The following CCDC60 variants were observed in gnomAD, a reference collection of about 807,000 sequenced individuals.
The protein encoded by CCDC60 is coiled-coil domain containing 60.
Under a neutral mutation model 63.5 loss-of-function variants are expected in CCDC60, and 54 were observed. That is an observed-to-expected ratio of 0.85 (90% confidence interval 0.68 to 1.07). The LOEUF (loss-of-function observed/expected upper bound fraction) is 1.07. CCDC60 is among the 50% of genes least tolerant of loss of function. The pLI, the probability that CCDC60 is intolerant of heterozygous loss-of-function variation, is 0.00. For missense variants in CCDC60, 651 were observed against 684.3 expected, an observed-to-expected ratio of 0.95 and a Z score of 0.54; for synonymous variants, 206 against 238.8, an observed-to-expected ratio of 0.86 and a Z score of 1.27.
At chr12:119,338,745 A>G (rs1272326899) in intron 1 of CCDC60, among the ~76,000 whole-genome samples, 1 of 152,216 alleles carries the variant, frequency 6.6e-6, no homozygotes, top group Non-Finnish European at 1.5e-5. Context: ...ACAAAATGCC[A>G]GGCGGCCCGG....
intron 2 of CCDC60, among the ~76,000 whole-genome samples, chr12:119,471,483 G>C (rs1951057056): frequency 6.6e-6 from 1 of 152,198 alleles, no homozygotes. Flanking sequence ...GATCCTGCAG[G>C]CTGTGAATTG....
intron 1 of CCDC60, among the ~76,000 whole-genome samples, chr12:119,424,767 A>G (rs1178611496): frequency 6.6e-6 from 1 of 152,222 alleles, no homozygotes; most frequent in Non-Finnish European, 1.5e-5. Flanking sequence ...AAACAAAACT[A>G]TAATTATAAA....
chr12:119,374,938 C>T (rs1166376909), intron 1 of CCDC60, among the ~76,000 whole-genome samples: 1 of 152,292 alleles, frequency 6.6e-6, no homozygotes, highest in East Asian at 1.9e-4. Flanking sequence ...CTAGAGGTTA[C>T]TGTCATTGCC....
chr12:119,346,791 T>C (rs988907849), intron 1 of CCDC60, among the ~76,000 whole-genome samples: 6 of 104,170 alleles, frequency 5.8e-5, no homozygotes, highest in Non-Finnish European at 1.2e-4. Context: ...TTTCTTTCTT[T>C]CTTTCTTTCT....
chr12:119,375,133 A>C (rs1286953536), intron 1 of CCDC60, among the ~76,000 whole-genome samples: 1 of 152,162 alleles, frequency 6.6e-6, no homozygotes, highest in Non-Finnish European at 1.5e-5. Flanking sequence ...GTCCCTATTC[A>C]AAATAGAGTT....
rs553671988 is a variant in CCDC60 at position 119,345,532 on chromosome 12, G to A, written c.90+10266G>A. 1.2e-4 allele frequency among the ~76,000 whole-genome samples: 16 copies of A among 134,894 alleles called. No homozygotes were observed. The East Asian group carries it at 3.4e-3, about 28-fold the overall frequency. The allele number at this position is 134,894 out of a possible 152,430, so 88.5% of individuals were successfully genotyped here. A position where few individuals can be genotyped will look rare whatever the true frequency, so the allele number is the denominator to read the frequency against. ...TAAATAAATAAATAAATAAATAAGA[G>A]AGAGACAGCAAATGGGGCCTGCAGT... On this transcript the variant is annotated intron_variant, in intron 1 of 13. Coordinates refer to ENST00000327554, the MANE Select transcript of CCDC60 (RefSeq NM_178499.5).
intron 11 of CCDC60, among the ~76,000 whole-genome samples, chr12:119,524,658 G>C (rs1481015158): frequency 6.6e-6 from 1 of 151,306 alleles, no homozygotes; most frequent in Non-Finnish European, 1.5e-5. Context: ...TGCCCCACCT[G>C]GCCCAGGACA....
At chr12:119,508,524 G>A (rs1952118524) in intron 7 of CCDC60, among the ~76,000 whole-genome samples, 1 of 152,002 alleles carries the variant, frequency 6.6e-6, no homozygotes, top group African/African-American at 2.4e-5. Flanking sequence ...GTTGCATATA[G>A]TATGAGCTGG....
In CCDC60 at chr12:119,520,205, G is replaced by A; in HGVS notation, c.1040+13G>A. The A allele has an allele frequency of 6.2e-7, 1 of 1,612,512 alleles. No individual in the cohort carries two copies. The highest frequency in any genetic ancestry group is 8.5e-7 in the Non-Finnish European group (1 of 1,179,018). On this transcript the variant is annotated intron_variant, in intron 9 of 13. Transcript: ENST00000327554. The stretch of plus-strand genomic sequence containing the variant: ...CTCTCAAATCAAGGTAGGAAAGCCT[G>A]GAGCCTGCAGCAGGTGCCTCCGAAG...
chr12:119,378,420 C>A (rs918052624), intron 1 of CCDC60, among the ~76,000 whole-genome samples: 2 of 152,164 alleles, frequency 1.3e-5, no homozygotes, highest in African/African-American at 4.8e-5. Flanking sequence ...AAAAGGGAAA[C>A]CTTACCAAGG....
chr12:119,428,962 C>T (rs1160727345), intron 2 of CCDC60, 200 bp downstream of exon 2: 21 of 387,820 alleles, frequency 5.4e-5, no homozygotes, highest in Non-Finnish European at 2.2e-5. Context: ...AGTACCCATG[C>T]CATGCCAGCC....
intron 2 of CCDC60, among the ~76,000 whole-genome samples, chr12:119,458,604 G>A (rs1341611970): frequency 6.6e-6 from 1 of 152,128 alleles, no homozygotes; most frequent in African/African-American, 2.4e-5. Context: ...GGGCTGGGAA[G>A]GTCTGTTTTG....
At chr12:119,516,521 A>G in intron 7 of CCDC60, 102 bp from the exon 8 acceptor site, 1 of 714,358 alleles carries the variant, frequency 1.4e-6, no homozygotes. Context: ...TCCAACCCTC[A>G]GGAGCAGAGG....
intron 2 of CCDC60, chr12:119,433,470 G>C: frequency 1.4e-6 from 1 of 702,362 alleles, no homozygotes; most frequent in Non-Finnish European, 2.6e-6. Flanking sequence ...ACGACAATGA[G>C]ATGTTCCATC....
intron 7 of CCDC60, among the ~76,000 whole-genome samples, chr12:119,505,966 T>C (rs886109350): frequency 6.7e-6 from 1 of 148,190 alleles, no homozygotes; most frequent in Non-Finnish European, 1.5e-5. Context: ...TTTTATACTG[T>C]CTTTGAAATT....
At chr12:119,523,507 G>GA (rs767714017) in intron 10 of CCDC60, among the ~76,000 whole-genome samples, 186 bp from the exon 11 acceptor site, 1 of 152,224 alleles carries the variant, frequency 6.6e-6, no homozygotes, top group Non-Finnish European at 1.5e-5. Context: ...CTATTGGGAA[G>GA]ATCTGTCCTT....
chr12:119,336,266 C>T (rs1198103818), intron 1 of CCDC60, among the ~76,000 whole-genome samples: 1 of 152,050 alleles, frequency 6.6e-6, no homozygotes, highest in Non-Finnish European at 1.5e-5. Context: ...AGGAATTAGC[C>T]TCGAAACCAA....
At chr12:119,403,343 G>A (rs1051902076) in intron 1 of CCDC60, among the ~76,000 whole-genome samples, 5 of 152,184 alleles carry the variant, frequency 3.3e-5, no homozygotes, top group Admixed American at 6.5e-5. Flanking sequence ...GAGAGAGGAA[G>A]GCTCCCATGG....
chr12:119,346,585 G>A (rs1204704522), intron 1 of CCDC60, among the ~76,000 whole-genome samples: 1 of 152,112 alleles, frequency 6.6e-6, no homozygotes, highest in Admixed American at 6.5e-5. Flanking sequence ...GGAAGAAAGG[G>A]GAAAGTGCCA....
Sources: gnomAD v4.1 joint callset for allele counts (sites outside exome capture counted in the v4.1 genomes callset) on GRCh38, gnomAD v4.1.1 for gene constraint, MANE v1.5 for transcripts, NCBI Gene and HGNC (gene_info 2026-07-23, HGNC 2026-07-21) for gene names.